RSF1: variants seen among roughly 807,000 people sequenced by gnomAD.
RSF1 encodes the protein HBV pX-associated protein 8.
Under a neutral mutation model 145.2 loss-of-function variants are expected in RSF1, and 13 were observed. The observed-to-expected ratio is 0.09, with a 90% CI of 0.06 to 0.14. The LOEUF (loss-of-function observed/expected upper bound fraction) is 0.14. Ranked by LOEUF, RSF1 falls within the 10% of genes least tolerant of loss-of-function variation. The pLI, the probability that RSF1 is intolerant of heterozygous loss-of-function variation, is 1.00. For synonymous variants in RSF1, 577 were observed against 592.6 expected, an observed-to-expected ratio of 0.97 and a Z score of 0.38; for missense variants, 1,517 against 1,718.2, an observed-to-expected ratio of 0.88 and a Z score of 2.07.
chr11:77,698,591 A>G lies in RSF1; in HGVS notation c.2611T>C (p.Ser871Pro). ...TCTTCCTCCTCTTCTGAAGCTGCAG[A>G]TGATTTTTCACTGCCAGACCCTTCA... ...ESEGSGSEKS[S>P]AASEEEEEKE... Residue 871 changes from serine (S) to proline (P), a missense_variant, in exon 7 of 16, where the codon TCT (serine) becomes CCT (proline). Ser to Pro is a moderately conservative substitution (Grantham distance 74). Coordinates refer to ENST00000308488, the MANE Select transcript of RSF1 (RefSeq NM_016578.4). 1.2e-6 allele frequency: 2 copies of G among 1,614,106 alleles called. No individual in the cohort carries two copies. The highest frequency in any genetic ancestry group is 1.7e-6 in the Non-Finnish European group (2 of 1,179,988).
At chr11:77,782,664 A>G (rs1021404096) in intron 1 of RSF1, among the ~76,000 whole-genome samples, 14 of 151,696 alleles carry the variant, frequency 9.2e-5, no homozygotes, top group Non-Finnish European at 1.9e-4. Context: ...GGTAGAGGGG[A>G]AAAAAAAATC....
the RSF1 span, among the ~76,000 whole-genome samples, chr11:77,837,443 T>TTTTGTTTG: frequency 1.3e-5 from 2 of 150,234 alleles, no homozygotes; most frequent in Non-Finnish European, 3.0e-5. Flanking sequence ...TCCCTTTGGT[T>TTTTGTTTG]TTTGTTTGTT....
intron 15 of RSF1, 47 bp from the exon 16 acceptor site, chr11:77,667,538 C>T (rs1481419204): frequency 7.3e-6 from 11 of 1,506,590 alleles, no homozygotes; most frequent in Non-Finnish European, 9.0e-6. Context: ...TAACCATAAA[C>T]GAATTTAATT....
chr11:77,871,614 G>A, the RSF1 span, among the ~76,000 whole-genome samples: 3 of 152,166 alleles, frequency 2.0e-5, no homozygotes, highest in East Asian at 5.8e-4. Context: ...ACCCTGTGAT[G>A]TAAGTACTAT....
intron 3 of RSF1, among the ~76,000 whole-genome samples, chr11:77,744,962 C>T (rs1396542817): frequency 3.3e-5 from 5 of 152,176 alleles, no homozygotes; most frequent in Admixed American, 6.5e-5. Flanking sequence ...TTTTTTACTA[C>T]TGGTTCAATT....
chr11:77,683,917 T>A, intron 10 of RSF1, 98 bp from the exon 11 acceptor site: 1 of 819,750 alleles, frequency 1.2e-6, no homozygotes, highest in Non-Finnish European at 1.9e-6. Context: ...GTAGCACATG[T>A]GAAAGGTCTG....
At chr11:77,732,856 C>A (rs1961241452) in intron 4 of RSF1, among the ~76,000 whole-genome samples, 1 of 152,160 alleles carries the variant, frequency 6.6e-6, no homozygotes, top group South Asian at 2.1e-4. Context: ...CGGACTAATA[C>A]AATAGATTTT....
chr11:77,842,488 A>G, the RSF1 span: 1 of 1,612,380 alleles, frequency 6.2e-7, no homozygotes, highest in Non-Finnish European at 8.5e-7. Flanking sequence ...GACTTCAGTG[A>G]AGTTCCTTAT....
At chr11:77,669,657 G>A (rs1231381464) in intron 15 of RSF1, among the ~76,000 whole-genome samples, 2 of 152,152 alleles carry the variant, frequency 1.3e-5, no homozygotes, top group African/African-American at 4.8e-5. Flanking sequence ...GTAACGATCA[G>A]CACACATATA....
In RSF1 at chr11:77,664,123, AC is replaced by A. The variant is rs1280102262; in HGVS notation, c.*2793del. 6.6e-6 allele frequency: 1 copy of A among 152,202 alleles called. No homozygotes were observed. The highest frequency in any genetic ancestry group is 2.4e-5 in the African/African-American group (1 of 41,450). The allele number at this position is 152,202 out of a possible 1,614,324, so 9.4% of individuals were successfully genotyped here. A position where few individuals can be genotyped will look rare whatever the true frequency, so the allele number is the denominator to read the frequency against. ...TAAAATTTTTTAACTTCTTCAGAAT[AC>A]CTTCAGAGTGTATTTCAGTGATCAT... is the stretch of plus-strand genomic sequence containing the variant. On this transcript the variant is annotated 3_prime_UTR_variant, in exon 16 of 16. Coordinates refer to ENST00000308488, the MANE Select transcript of RSF1 (RefSeq NM_016578.4).
At chr11:77,872,066 G>A in the RSF1 span, 6 of 1,255,626 alleles carry the variant, frequency 4.8e-6, no homozygotes, top group South Asian at 8.4e-5. Flanking sequence ...TGATCGTGAA[G>A]TGACGATTGT....
chr11:77,855,826 G>T, the RSF1 span, among the ~76,000 whole-genome samples: 2 of 149,360 alleles, frequency 1.3e-5, no homozygotes, highest in Admixed American at 6.7e-5. Context: ...CCAGCCAAGT[G>T]CAGTGGCTCA....
At chr11:77,872,013 C>T in the RSF1 span, 15 of 565,556 alleles carry the variant, frequency 2.7e-5, no homozygotes, top group Non-Finnish European at 2.0e-5. Flanking sequence ...CTTTTTGACT[C>T]ATTGGGGCTC....
intron 1 of RSF1, among the ~76,000 whole-genome samples, chr11:77,793,196 CTGGCCAGGTG>C (rs773931146): frequency 6.6e-6 from 1 of 152,164 alleles, no homozygotes; most frequent in Non-Finnish European, 1.5e-5. Context: ...GAAACATGAT[CTGGCCAGGTG>C]CAGTGGCTCA....
At position 77,675,167 on chromosome 11, in the gene RSF1, C is replaced by T. The variant is rs775884963; in HGVS notation, c.3431G>A (p.Cys1144Tyr). The change falls in exon 14 of 16, where the codon TGT (cysteine) becomes TAT (tyrosine). Residue 1144 changes from cysteine (C) to tyrosine (Y), a missense_variant. Around this residue, in one of 12 missense-constraint regions of RSF1, gnomAD observed 231 missense variants for 276.6 expected, o/e 0.84. Transcript: ENST00000308488. The stretch of plus-strand genomic sequence containing the variant: ...GGGGTGTCGCCTCAGTCTACGGCTA[C>T]AAAAGTCAGTGTCACTGTCATCATT... ...PSNDDSDTDF[C>Y]SRRLRRHPSR... 6 of 1,614,000 alleles carry T rather than the reference C, an allele frequency of 3.7e-6. No homozygotes were observed. Among genetic ancestry groups the T allele is most frequent in the South Asian group, 3.3e-5 (3 of 91,076 alleles).
chr11:77,740,306 T>A (rs1961477228), intron 4 of RSF1, among the ~76,000 whole-genome samples: 1 of 152,176 alleles, frequency 6.6e-6, no homozygotes, highest in Admixed American at 6.5e-5. Context: ...ACCTGGGAGA[T>A]GGAGGTTACA....
chr11:77,869,021 G>T, the RSF1 span: 1 of 340,550 alleles, frequency 2.9e-6, no homozygotes, highest in Non-Finnish European at 5.5e-6. Flanking sequence ...GTTTTGCCAT[G>T]GTAACATTTG....
chr11:77,858,819 T>C, the RSF1 span, among the ~76,000 whole-genome samples: 1 of 152,326 alleles, frequency 6.6e-6, no homozygotes, highest in South Asian at 2.1e-4. Flanking sequence ...GTCTTAGTCA[T>C]GGACTGCATC....
At chr11:77,821,228 A>C (rs1482712912), upstream of RSF1, 7 of 268,464 alleles carry the variant, frequency 2.6e-5, no homozygotes, top group Admixed American at 3.6e-4. Context: ...AACTTTGAGG[A>C]GACAGTGCGG....
Sources: allele counts gnomAD v4.1 joint callset (sites outside exome capture counted in the v4.1 genomes callset), GRCh38; gene constraint gnomAD v4.1.1; regional missense constraint gnomAD v4.1.1; transcripts MANE v1.5; gene names NCBI Gene and HGNC (gene_info 2026-07-23, HGNC 2026-07-21).